Variants in LIPH observed in about 807,000 individuals in gnomAD.
The protein encoded by LIPH is lipase H.
Under a neutral mutation model 47.6 loss-of-function variants are expected in LIPH, and 32 were observed. That is an observed-to-expected ratio of 0.67 (90% confidence interval 0.51 to 0.90). The LOEUF (loss-of-function observed/expected upper bound fraction) is 0.90. LIPH is among the 40% of genes least tolerant of loss of function. LIPH has a pLI of 0.00. For synonymous variants in LIPH, 190 were observed against 195.6 expected (o/e 0.97, Z 0.24); for missense variants, 497 against 541.4 (o/e 0.92, Z 0.81).
intron 1 of LIPH, among the ~76,000 whole-genome samples, chr3:185,550,028 A>T (rs1356560397): frequency 1.3e-5 from 2 of 152,150 alleles, no homozygotes; most frequent in Non-Finnish European, 2.9e-5. Flanking sequence ...AACATTCCTA[A>T]CATTATTTCA....
intron 3 of LIPH, among the ~76,000 whole-genome samples, chr3:185,528,212 C>T (rs536665015): frequency 5.4e-5 from 7 of 128,966 alleles, no homozygotes; most frequent in Admixed American, 1.7e-4. Context: ...GGCTCTGTCT[C>T]GAAGAAAGAA....
At chr3:185,537,527 G>A (rs1329046883) in intron 1 of LIPH, among the ~76,000 whole-genome samples, 1 of 152,076 alleles carries the variant, frequency 6.6e-6, no homozygotes, top group Non-Finnish European at 1.5e-5. Context: ...TGTTTGTAGA[G>A]CAAAACCCAG....
At chr3:185,522,650 A>AAGAAAGAAAGAAAAGAAAGAAAG (rs1235808164) in intron 5 of LIPH, among the ~76,000 whole-genome samples, 3 of 141,896 alleles carry the variant, frequency 2.1e-5, no homozygotes, top group African/African-American at 7.7e-5. Context: ...GAGAGAAAGA[A>AAGAAAGAAAGAAAAGAAAGAAAG]AAAGAAAGAA....
chr3:185,519,092 CA>C (rs749207455), intron 6 of LIPH, 49 bp downstream of exon 6: 3 of 1,521,146 alleles, frequency 2.0e-6, no homozygotes, highest in Non-Finnish European at 2.7e-6. Context: ...GGATTCATAC[CA>C]AAAATTAGTT....
chr3:185,522,069 C>A (rs1719910780), intron 5 of LIPH, among the ~76,000 whole-genome samples: 2 of 152,110 alleles, frequency 1.3e-5, no homozygotes, highest in South Asian at 4.1e-4. Flanking sequence ...TTGTGCTGGG[C>A]CCCTGTTGAC....
At position 185,511,421 on chromosome 3, in the gene LIPH, G is replaced by T. The variant is rs1719559796; in HGVS notation, c.1268+103C>A. On this transcript the variant is annotated intron_variant, in intron 9 of 9. Transcript: ENST00000296252. ...TGGAAAACCCATCATGTCCCTCATT[G>T]TGAATAATAGAGTCTTATTAACACA... The T allele has an allele frequency of 1.1e-5, 12 of 1,091,698 alleles. No homozygotes were observed. The South Asian group carries it at 1.3e-4, about 11-fold the overall frequency. 67.6% of individuals were successfully genotyped at this position (1,091,698 alleles called of 1,614,324 possible).
chr3:185,512,488 T>C (rs1366000636), intron 8 of LIPH, among the ~76,000 whole-genome samples: 1 of 43,086 alleles, frequency 2.3e-5, no homozygotes, highest in Non-Finnish European at 5.2e-5. Context: ...ACATTAATCC[T>C]TTTTTTTTTT....
At position 185,506,994 on chromosome 3, in the gene LIPH, C is replaced by G. The variant is rs1052870894; in HGVS notation, c.*1796G>C. On this transcript the variant is annotated 3_prime_UTR_variant, in exon 10 of 10. Transcript: ENST00000296252. ...TCATCCCTCACTTAAATAAAACAGA[C>G]TCTGTATTTGCTGCAAATGTAAATC... 1 of 152,120 alleles carries G rather than the reference C, an allele frequency of 6.6e-6. No homozygotes were observed. The highest frequency in any genetic ancestry group is 6.6e-5 in the Admixed American group (1 of 15,256). 9.4% of individuals were successfully genotyped at this position (152,120 alleles called of 1,614,324 possible).
At chr3:185,528,320 AAAG>A (rs1459406837) in intron 3 of LIPH, among the ~76,000 whole-genome samples, 4 of 82,510 alleles carry the variant, frequency 4.8e-5, no homozygotes, top group Non-Finnish European at 7.4e-5. Context: ...AGAAAGAAAG[AAAG>A]AAGAAAGAAA....
rs116597636 is a variant in LIPH at position 185,508,910 on chromosome 3, G to A, written c.1269-33C>T. Reference sequence around the variant, plus strand: ...AATAAGACAAAATATCCTTGTAAATGAATTTATAAAAATGCAATGGTCTAG... The same window carrying A: ...AATAAGACAAAATATCCTTGTAAATAAATTTATAAAAATGCAATGGTCTAG... On this transcript the variant is annotated intron_variant, in intron 9 of 9. Coordinates refer to ENST00000296252, the MANE Select transcript of LIPH (RefSeq NM_139248.3). The A allele has an allele frequency of 2.7e-3, 3,530 of 1,311,088 alleles. 13 individuals are homozygous for A. The highest frequency in any genetic ancestry group is 6.3e-3 in the Middle Eastern group (35 of 5,522). 81.2% of individuals were successfully genotyped at this position (1,311,088 alleles called of 1,614,324 possible).
At chr3:185,521,676 C>G (rs2148951464) in intron 5 of LIPH, among the ~76,000 whole-genome samples, 1 of 152,300 alleles carries the variant, frequency 6.6e-6, no homozygotes, top group Non-Finnish European at 1.5e-5. Context: ...CTCAGTAGTT[C>G]CAAAATGCTA....
intron 6 of LIPH, 128 bp from the exon 7 acceptor site, chr3:185,517,290 T>C: frequency 3.0e-6 from 2 of 667,612 alleles, no homozygotes; most frequent in South Asian, 1.6e-5. Context: ...CCCACCTCCA[T>C]CCCCCATGGT....
At chr3:185,543,929 T>C in intron 1 of LIPH, among the ~76,000 whole-genome samples, 1 of 147,724 alleles carries the variant, frequency 6.8e-6, no homozygotes, top group Admixed American at 6.9e-5. Context: ...CGGCTCACTG[T>C]AACCTCCACC....
chr3:185,526,292 G>T (rs1007351819), intron 4 of LIPH, among the ~76,000 whole-genome samples: 1 of 152,064 alleles, frequency 6.6e-6, no homozygotes, highest in Non-Finnish European at 1.5e-5. Context: ...AGGCAAAGGC[G>T]GGTGGATCAC....
chr3:185,517,154 C>T lies in LIPH; in HGVS notation c.895G>A (p.Ala299Thr), dbSNP rs377047996. The T allele has an allele frequency of 1.3e-6, 2 of 1,578,808 alleles. No individual in the cohort carries two copies. The highest frequency in any genetic ancestry group is 1.7e-6 in the Non-Finnish European group (2 of 1,148,052). The change falls in exon 7 of 10, where the codon GCT becomes ACT. Residue 299 changes from alanine (A) to threonine (T), a missense_variant. Transcript: ENST00000296252. ...KESCPLLGYY[A>T]DNWKDHLRGK... ...CTTAGATGGTCTTTCCAATTATCAG[C>T]ATAATAGCCTATGAAACAAGTTTAA...
At chr3:185,513,022 T>G (rs1357149660) in intron 8 of LIPH, among the ~76,000 whole-genome samples, 1 of 152,048 alleles carries the variant, frequency 6.6e-6, no homozygotes, top group Non-Finnish European at 1.5e-5. Context: ...TGGAAACCCG[T>G]GTGCCAGAAA....
intron 3 of LIPH, among the ~76,000 whole-genome samples, chr3:185,529,909 AG>A (rs1472089516): frequency 6.3e-5 from 2 of 31,728 alleles, no homozygotes; most frequent in East Asian, 3.1e-3. Context: ...GAGAAAGAAA[AG>A]AAAGAAAGAA....
At chr3:185,518,501 CA>C (rs1719802416) in intron 6 of LIPH, among the ~76,000 whole-genome samples, 1 of 151,810 alleles carries the variant, frequency 6.6e-6, no homozygotes, top group South Asian at 2.1e-4. Context: ...AGGCTGGTCT[CA>C]AACTCCTGAC....
intron 4 of LIPH, among the ~76,000 whole-genome samples, chr3:185,527,134 G>A (rs545720366): frequency 6.6e-6 from 1 of 152,278 alleles, no homozygotes; most frequent in African/African-American, 2.4e-5. Context: ...AGATACTCGG[G>A]AGGCTGAGGC....
Sources: allele counts gnomAD v4.1 joint callset (sites outside exome capture counted in the v4.1 genomes callset), GRCh38; gene constraint gnomAD v4.1.1; transcripts MANE v1.5; gene names NCBI Gene and HGNC (gene_info 2026-07-23, HGNC 2026-07-21).